The following DNAH11 variants were observed in gnomAD, a reference collection of about 807,000 sequenced individuals.
The protein encoded by DNAH11 is dynein axonemal heavy chain 11.
DNAH11 carries 442 observed loss-of-function variants against 526.0 expected under a neutral mutation model. The ratio of observed to expected loss-of-function variants is 0.84; its 90% CI spans 0.78 to 0.91. The LOEUF (loss-of-function observed/expected upper bound fraction) is 0.91. Ranked by LOEUF, DNAH11 falls within the 40% of genes least tolerant of loss-of-function variation. DNAH11 has a pLI of 0.00. For synonymous variants in DNAH11, 2,461 were observed against 1,935.9 expected (o/e 1.27, Z -7.12); for missense variants, 6,989 against 5,448.7 (o/e 1.28, Z -8.90).
Position 21,704,516 on chromosome 7 carries a change from A to G in DNAH11, c.6356A>G (p.Asp2119Gly). ...DIPVFLGLVG[D>G]LFPALDVPRR... is the part of the protein sequence containing the mutation. ...CCAGTGTTTCTGGGCCTGGTCGGTG[A>G]CCTGTTTCCAGCCCTGGATGTGCCC... Residue 2119 changes from aspartate to glycine, a missense_variant, in exon 38 of 82, where the codon GAC becomes GGC. Transcript: ENST00000409508. 5 of 1,613,868 alleles carry G rather than the reference A, an allele frequency of 3.1e-6. No homozygotes were observed. Among genetic ancestry groups the G allele is most frequent in the Non-Finnish European group, 4.2e-6 (5 of 1,179,854 alleles).
At chr7:21,641,867 C>T (rs1172696766) in intron 28 of DNAH11, among the ~76,000 whole-genome samples, 1 of 152,088 alleles carries the variant, frequency 6.6e-6, no homozygotes, top group Non-Finnish European at 1.5e-5. Context: ...TACTAGTCCC[C>T]CTCCTTAATG....
chr7:21,655,964 T>C lies in DNAH11; in HGVS notation c.5077T>C (p.Cys1693Arg). 6.2e-7 allele frequency: 1 copy of C among 1,603,982 alleles called. No individual in the cohort carries two copies. The highest frequency in any genetic ancestry group is 1.1e-5 in the South Asian group (1 of 89,244). ...GGAGTATGTCCCATTCCAAGCCGAG[T>C]GTGAATGTGTGGGCCATGTAAGATT... ...EKEYVPFQAECECVGHVETWL... is the reference protein window; with the variant it reads ...EKEYVPFQAERECVGHVETWL... The change falls in exon 29 of 82, where the codon TGT (cysteine) becomes CGT (arginine). Residue 1693 changes from cysteine (C) to arginine (R), a missense_variant. Coordinates refer to ENST00000409508, the MANE Select transcript of DNAH11 (RefSeq NM_001277115.2).
Position 21,543,156 on chromosome 7 carries a change from C to T in DNAH11, c.-90C>T. The T allele has an allele frequency of 1.4e-6, 2 of 1,437,914 alleles. No homozygotes were observed. The highest frequency in any genetic ancestry group is 3.0e-5 in the South Asian group (2 of 67,216). The allele number at this position is 1,437,914 out of a possible 1,614,324, so 89.1% of individuals were successfully genotyped here. On this transcript the variant is annotated 5_prime_UTR_variant, in exon 1 of 82. Coordinates refer to ENST00000409508, the MANE Select transcript of DNAH11 (RefSeq NM_001277115.2). ...CGCGGCGACCGCGGAGGAGGGTGGGCGCCTGCGGAGGTGTCCTCGCTCACT... is the reference window on the plus strand; with the variant it reads ...CGCGGCGACCGCGGAGGAGGGTGGGTGCCTGCGGAGGTGTCCTCGCTCACT...
At chr7:21,652,553 A>T (rs1781826186) in intron 28 of DNAH11, among the ~76,000 whole-genome samples, 1 of 127,280 alleles carries the variant, frequency 7.9e-6, no homozygotes, top group Non-Finnish European at 1.9e-5. Context: ...GATTTTTTTG[A>T]TCTCCCTGTA....
chr7:21,560,370 G>T (rs950788311), intron 4 of DNAH11, among the ~76,000 whole-genome samples: 1 of 152,150 alleles, frequency 6.6e-6, no homozygotes, highest in Non-Finnish European at 1.5e-5. Context: ...TGACTCACAG[G>T]ATCACAAGGT....
intron 68 of DNAH11, among the ~76,000 whole-genome samples, chr7:21,856,176 T>C (rs949837752): frequency 5.9e-5 from 9 of 152,104 alleles, no homozygotes; most frequent in African/African-American, 2.2e-4. Flanking sequence ...GACCACTGTG[T>C]GTGGAATTTG....
intron 28 of DNAH11, among the ~76,000 whole-genome samples, chr7:21,641,103 G>A (rs916144508): frequency 6.6e-6 from 1 of 152,198 alleles, no homozygotes; most frequent in African/African-American, 2.4e-5. Flanking sequence ...GCTCCTGGCA[G>A]TGTAACCAGC....
intron 68 of DNAH11, among the ~76,000 whole-genome samples, chr7:21,855,447 T>C (rs1389056563): frequency 6.6e-6 from 1 of 152,226 alleles, no homozygotes; most frequent in Non-Finnish European, 1.5e-5. Context: ...TAAGAACAAC[T>C]ATTTATTGAG....
chr7:21,791,422 C>A (rs144268119), intron 61 of DNAH11, among the ~76,000 whole-genome samples: 1 of 152,204 alleles, frequency 6.6e-6, no homozygotes, highest in African/African-American at 2.4e-5. Context: ...CCTTTCGCAA[C>A]TTGATCCCCC....
In DNAH11 at chr7:21,757,198, C is replaced by G. The variant is rs139501054; in HGVS notation, c.8940+6834C>G. On this transcript the variant is annotated intron_variant, in intron 54 of 81. Coordinates refer to ENST00000409508, the MANE Select transcript of DNAH11 (RefSeq NM_001277115.2). ...ATTTTTAATCCTTTATAATAATCACCACTTTCCTACATCTTGGGACAGCCA... is the reference window on the plus strand; with the variant it reads ...ATTTTTAATCCTTTATAATAATCACGACTTTCCTACATCTTGGGACAGCCA... Among the ~76,000 whole-genome samples the G allele has an allele frequency of 6.0e-3, 921 of 152,280 alleles. 13 individuals are homozygous for G. Among genetic ancestry groups the G allele is most frequent in the African/African-American group, 0.021 (875 of 41,566 alleles).
rs369681389 is a variant in DNAH11, at chr7:21,635,922, C to G, written c.4552C>G (p.Gln1518Glu). 4 of 1,613,140 alleles carry G rather than the reference C, an allele frequency of 2.5e-6. No homozygotes were observed. In the African/African-American group the frequency reaches 4.0e-5, roughly 16 times the overall value. ...QSKYVEYFIE[Q>E]VLSWQNKLNI... is the part of the protein sequence containing the mutation. ...CAAGTATGTAGAATATTTCATTGAG[C>G]AAGTGTTAAGCTGGCAAAATAAATT... is the stretch of plus-strand genomic sequence containing the variant. The change falls in exon 26 of 82, where the codon CAA becomes GAA. Residue 1518 changes from glutamine to glutamate, a missense_variant. Gln to Glu is a conservative substitution (Grantham distance 29, BLOSUM62 2). Coordinates refer to ENST00000409508, the MANE Select transcript of DNAH11 (RefSeq NM_001277115.2).
chr7:21,731,303 C>G (rs998190303), intron 45 of DNAH11, among the ~76,000 whole-genome samples: 1 of 152,022 alleles, frequency 6.6e-6, no homozygotes, highest in Non-Finnish European at 1.5e-5. Context: ...CATATTTTAG[C>G]TCTGTGATCC....
At chr7:21,892,716 T>A (rs774098704) in intron 77 of DNAH11, 49 bp downstream of exon 77, 2 of 1,512,254 alleles carry the variant, frequency 1.3e-6, no homozygotes, top group Admixed American at 4.1e-5. Context: ...ATAACTTACT[T>A]GTACTGAAGT....
At chr7:21,576,316 A>G (rs1306878980) in intron 8 of DNAH11, among the ~76,000 whole-genome samples, 1 of 152,172 alleles carries the variant, frequency 6.6e-6, no homozygotes, top group Non-Finnish European at 1.5e-5. Context: ...GGCGGCCACA[A>G]ACAACCCTTG....
intron 25 of DNAH11, among the ~76,000 whole-genome samples, chr7:21,622,198 C>A (rs370019135): frequency 3.9e-4 from 59 of 151,890 alleles, no homozygotes; most frequent in East Asian, 9.7e-4. Flanking sequence ...GAGCCAAATC[C>A]TGAGTGAACT....
At position 21,786,302 on chromosome 7, in the gene DNAH11, A is replaced by ATGTGTG. The variant is rs58775729; in HGVS notation, c.9598-300_9598-295dup. On this transcript the variant is annotated intron_variant, in intron 58 of 81. Transcript: ENST00000409508. ...TATAAATATCTTACAACATATACAC[A>ATGTGTG]TGTGTGTGTGTGTGTGTGTGTGTGT... 0.03 allele frequency among the ~76,000 whole-genome samples: 4,523 copies of ATGTGTG among 150,892 alleles called. 123 individuals are homozygous for ATGTGTG. Among genetic ancestry groups the ATGTGTG allele is most frequent in the African/African-American group, 0.067 (2,763 of 40,950 alleles).
chr7:21,559,328 A>T (rs1487893876), intron 3 of DNAH11, among the ~76,000 whole-genome samples: 1 of 152,250 alleles, frequency 6.6e-6, no homozygotes, highest in Non-Finnish European at 1.5e-5. Context: ...TTATACAAAA[A>T]GCAAACTGTA....
chr7:21,674,638 C>T (rs569083687), intron 30 of DNAH11, among the ~76,000 whole-genome samples: 1 of 152,216 alleles, frequency 6.6e-6, no homozygotes, highest in African/African-American at 2.4e-5. Context: ...CTTTTTCCTT[C>T]CCTTTTCTTT....
intron 55 of DNAH11, among the ~76,000 whole-genome samples, chr7:21,766,693 C>A (rs1242447808): frequency 6.8e-6 from 1 of 146,890 alleles, no homozygotes; most frequent in African/African-American, 2.5e-5. Context: ...TTCATAATAT[C>A]ATTTTCCTTT....
Sources: gnomAD v4.1 joint callset for allele counts (sites outside exome capture counted in the v4.1 genomes callset) on GRCh38, gnomAD v4.1.1 for gene constraint, MANE v1.5 for transcripts, NCBI Gene and HGNC (gene_info 2026-07-23, HGNC 2026-07-21) for gene names.